Variants in PTPRT observed in about 807,000 individuals in gnomAD.
PTPRT encodes receptor-type tyrosine-protein phosphatase T.
A neutral mutation model predicts 176.8 loss-of-function variants in PTPRT; 56 were observed. The observed-to-expected ratio is 0.32, with a 90% CI of 0.26 to 0.40. The LOEUF (loss-of-function observed/expected upper bound fraction) is 0.40, where lower values mean the gene tolerates loss of function less well. Among genes scored for constraint, PTPRT ranks in the 10% least tolerant of loss-of-function variants. The probability of loss-of-function intolerance (pLI) is 1.00; values close to 1 mark genes in which losing one functional copy is unlikely to be tolerated. For missense variants in PTPRT, 1,540 were observed against 1,908.2 expected, an observed-to-expected ratio of 0.81 and a Z score of 3.60; for synonymous variants, 783 against 739.0, an observed-to-expected ratio of 1.06 and a Z score of -0.96.
At chr20:43,072,543 C>T (rs1468213217) in intron 1 of PTPRT, among the ~76,000 whole-genome samples, 1 of 152,104 alleles carries the variant, frequency 6.6e-6, no homozygotes, top group Non-Finnish European at 1.5e-5. Flanking sequence ...GGCTGCAAAC[C>T]TTAGCTCTGG....
chr20:42,045,745 G>A, the PTPRT span, among the ~76,000 whole-genome samples: 72 of 152,106 alleles, frequency 4.7e-4, no homozygotes, highest in African/African-American at 1.7e-3. Context: ...CTTGAAGATA[G>A]TAAAGCCAGG....
chr20:42,936,324 G>GA (rs1980188903), intron 1 of PTPRT, among the ~76,000 whole-genome samples: 2 of 152,326 alleles, frequency 1.3e-5, no homozygotes, highest in Non-Finnish European at 1.5e-5. Flanking sequence ...TTGTCTGGGG[G>GA]AAGAGCATTT....
chr20:42,557,213 T>C (rs566604164), intron 7 of PTPRT, among the ~76,000 whole-genome samples: 1 of 152,130 alleles, frequency 6.6e-6, no homozygotes, highest in Non-Finnish European at 1.5e-5. Context: ...TTTAAATGTA[T>C]ATTAAGTACT....
chr20:42,823,629 C>A (rs1024554547), intron 2 of PTPRT, among the ~76,000 whole-genome samples: 1 of 152,024 alleles, frequency 6.6e-6, no homozygotes, highest in Non-Finnish European at 1.5e-5. Context: ...TAACAGCGCC[C>A]ATCTGAAGCC....
chr20:42,417,065 G>A (rs2059072689), intron 9 of PTPRT, among the ~76,000 whole-genome samples: 1 of 152,282 alleles, frequency 6.6e-6, no homozygotes, highest in East Asian at 1.9e-4. Context: ...ATAGAAGCTG[G>A]AGAGGGAGAA....
intron 15 of PTPRT, among the ~76,000 whole-genome samples, chr20:42,234,036 G>C (rs916636189): frequency 1.3e-5 from 2 of 152,202 alleles, no homozygotes; most frequent in Non-Finnish European, 2.9e-5. Context: ...CTGGCTGATA[G>C]AGGGATGGGG....
intron 9 of PTPRT, among the ~76,000 whole-genome samples, chr20:42,382,398 G>T (rs2058705666): frequency 6.6e-6 from 1 of 152,176 alleles, no homozygotes; most frequent in Admixed American, 6.5e-5. Flanking sequence ...GATCCCAGGA[G>T]AAATCCACAC....
intron 1 of PTPRT, among the ~76,000 whole-genome samples, chr20:43,113,343 G>A (rs1048472114): frequency 3.3e-5 from 5 of 152,174 alleles, no homozygotes; most frequent in African/African-American, 4.8e-5. Flanking sequence ...CTAATTAGCC[G>A]CAATCTGATG....
At chr20:42,507,111 C>T (rs1275373256) in intron 7 of PTPRT, among the ~76,000 whole-genome samples, 1 of 152,040 alleles carries the variant, frequency 6.6e-6, no homozygotes, top group Non-Finnish European at 1.5e-5. Flanking sequence ...ATATTTGTTT[C>T]CCACTCACTT....
rs77217905 is a variant in PTPRT at position 43,079,184 on chromosome 20, C to A, written c.88+110462G>T. On this transcript the variant is annotated intron_variant, in intron 1 of 30. Transcript: ENST00000373187. ...TCTCTCTCTCTCTCTCCCTCCCCCC[C>A]CCCAGCCCCCTCTCTCCCTCTCTAT... Among the ~76,000 whole-genome samples the A allele has an allele frequency of 3.5e-4, 26 of 74,140 alleles. No individual in the cohort carries two copies. The South Asian group carries it at 0.014, about 40-fold the overall frequency. The allele number at this position is 74,140 out of a possible 152,430, so 48.6% of individuals were successfully genotyped here. A position where few individuals can be genotyped will look rare whatever the true frequency, so the allele number is the denominator to read the frequency against.
At chr20:42,329,695 T>C (rs1319233458) in intron 11 of PTPRT, among the ~76,000 whole-genome samples, 1 of 152,132 alleles carries the variant, frequency 6.6e-6, no homozygotes, top group Non-Finnish European at 1.5e-5. Flanking sequence ...TCAGGGAGGA[T>C]CAACCTTACA....
At chr20:42,552,386 A>C (rs2072785208) in intron 7 of PTPRT, among the ~76,000 whole-genome samples, 1 of 152,174 alleles carries the variant, frequency 6.6e-6, no homozygotes, top group Admixed American at 6.6e-5. Flanking sequence ...ATGCAGCAGA[A>C]CAATGTTACA....
At chr20:42,226,806 C>G (rs1166488843) in intron 15 of PTPRT, among the ~76,000 whole-genome samples, 1 of 152,124 alleles carries the variant, frequency 6.6e-6, no homozygotes, top group African/African-American at 2.4e-5. Context: ...TTGCTACGGT[C>G]TTCTCTGTGA....
At chr20:42,331,180 C>T (rs2057959082) in intron 11 of PTPRT, among the ~76,000 whole-genome samples, 1 of 151,670 alleles carries the variant, frequency 6.6e-6, no homozygotes, top group Admixed American at 6.6e-5. Flanking sequence ...GTTGAAATGT[C>T]GTTTTCTAAA....
intron 9 of PTPRT, among the ~76,000 whole-genome samples, chr20:42,383,849 G>GC (rs2058718562): frequency 6.6e-6 from 1 of 152,146 alleles, no homozygotes; most frequent in Non-Finnish European, 1.5e-5. Context: ...CAGACTTTAT[G>GC]CCCCACAAAG....
intron 7 of PTPRT, among the ~76,000 whole-genome samples, chr20:42,654,825 A>G (rs1000975049): frequency 6.6e-6 from 1 of 152,230 alleles, no homozygotes; most frequent in Non-Finnish European, 1.5e-5. Flanking sequence ...CTGGAAGGTC[A>G]TACTCTCCTT....
intron 11 of PTPRT, among the ~76,000 whole-genome samples, chr20:42,340,568 C>T (rs2058097514): frequency 6.6e-6 from 1 of 152,214 alleles, no homozygotes; most frequent in Non-Finnish European, 1.5e-5. Context: ...CAGCCCTCAA[C>T]AGCTGGAGCA....
chr20:42,580,190 G>A (rs551458957), intron 7 of PTPRT, among the ~76,000 whole-genome samples: 18 of 152,158 alleles, frequency 1.2e-4, no homozygotes, highest in Middle Eastern at 3.4e-3. Context: ...TTTTTCTCAG[G>A]TTTGTCAAAG....
At chr20:42,776,429 G>A (rs2077136492) in intron 4 of PTPRT, among the ~76,000 whole-genome samples, 1 of 152,112 alleles carries the variant, frequency 6.6e-6, no homozygotes. Context: ...CAACAGAGGA[G>A]GACATTTGAA....
Sources: allele counts gnomAD v4.1 joint callset (sites outside exome capture counted in the v4.1 genomes callset), GRCh38; gene constraint gnomAD v4.1.1; transcripts MANE v1.5; gene names NCBI Gene and HGNC (gene_info 2026-07-23, HGNC 2026-07-21).